ANKFN1: variants seen among roughly 807,000 people sequenced by gnomAD.
ANKFN1 encodes ankyrin repeat and fibronectin type III domain containing 1.
Under a neutral mutation model 108.7 loss-of-function variants are expected in ANKFN1, and 74 were observed. The observed-to-expected ratio is 0.68, with a 90% CI of 0.56 to 0.83. ANKFN1 has a LOEUF of 0.83. Among genes scored for constraint, ANKFN1 ranks in the 40% least tolerant of loss-of-function variants. The pLI is 0.00. For missense variants in ANKFN1, 1,505 were observed against 1,382.3 expected (o/e 1.09, Z -1.41); for synonymous variants, 547 against 516.2 (o/e 1.06, Z -0.81).
intron 1 of ANKFN1, among the ~76,000 whole-genome samples, chr17:56,205,006 G>A (rs1914409707): frequency 6.6e-6 from 1 of 152,190 alleles, no homozygotes; most frequent in Non-Finnish European, 1.5e-5. Context: ...AACCCGGGAG[G>A]CGGAGCTAGC....
chr17:56,470,869 C>A (rs549631782), intron 15 of ANKFN1, among the ~76,000 whole-genome samples: 2 of 152,288 alleles, frequency 1.3e-5, no homozygotes, highest in South Asian at 4.2e-4. Flanking sequence ...GGACAAGAGT[C>A]CCTATGAGCA....
At chr17:56,064,688 C>T (rs1312553910) in intron 4 of ANKFN1, among the ~76,000 whole-genome samples, 1 of 152,252 alleles carries the variant, frequency 6.6e-6, no homozygotes, top group East Asian at 1.9e-4. Flanking sequence ...GTACTGGCTG[C>T]TGCCTCTCCC....
intron 14 of ANKFN1, among the ~76,000 whole-genome samples, chr17:56,465,321 G>A (rs1352718481): frequency 1.3e-5 from 2 of 152,158 alleles, no homozygotes; most frequent in African/African-American, 2.4e-5. Flanking sequence ...TTTGTCCTAT[G>A]TCTGGTCTTT....
intron 4 of ANKFN1, among the ~76,000 whole-genome samples, chr17:56,049,525 A>T (rs59161001): frequency 1.3e-5 from 2 of 150,990 alleles, no homozygotes; most frequent in African/African-American, 4.9e-5. Context: ...ATATCTCCCA[A>T]TGCTATCCCT....
intron 3 of ANKFN1, among the ~76,000 whole-genome samples, chr17:56,249,730 G>T (rs998059899): frequency 5.9e-5 from 9 of 152,172 alleles, no homozygotes; most frequent in Non-Finnish European, 1.2e-4. Flanking sequence ...GAGGGCCCTG[G>T]TAAACAAAAG....
intron 1 of ANKFN1, among the ~76,000 whole-genome samples, chr17:56,211,595 T>A (rs369617136): frequency 1.6e-4 from 25 of 152,338 alleles, no homozygotes; most frequent in African/African-American, 5.5e-4. Context: ...GCAGGCTTTT[T>A]TTGGTTCCAT....
intron 4 of ANKFN1, among the ~76,000 whole-genome samples, chr17:56,074,959 G>A (rs1905164478): frequency 6.6e-6 from 1 of 152,172 alleles, no homozygotes; most frequent in Admixed American, 6.5e-5. Flanking sequence ...GTGCAAATCA[G>A]GTTCACAACA....
At position 56,372,627 on chromosome 17, in the gene ANKFN1, C is replaced by T. The variant is rs975240159; in HGVS notation, c.602-19C>T. On this transcript the variant is annotated intron_variant, in intron 6 of 20. Transcript: ENST00000682825. Reference sequence around the variant, plus strand: ...TTCCCCAGAAAGAAAGAGAAGTAATCCCATTTCTTTCCCTTTAGTTGTCAG... The same window carrying T: ...TTCCCCAGAAAGAAAGAGAAGTAATTCCATTTCTTTCCCTTTAGTTGTCAG... 14 of 1,598,230 alleles carry T rather than the reference C, an allele frequency of 8.8e-6. No individual in the cohort carries two copies. The highest frequency in any genetic ancestry group is 7.7e-6 in the Non-Finnish European group (9 of 1,170,312).
intron 1 of ANKFN1, among the ~76,000 whole-genome samples, chr17:56,159,817 A>G (rs1192174633): frequency 1.3e-5 from 2 of 152,128 alleles, no homozygotes; most frequent in African/African-American, 4.8e-5. Flanking sequence ...GAAATGGGGC[A>G]CTGTCAGCTT....
intron 1 of ANKFN1, among the ~76,000 whole-genome samples, chr17:56,193,549 T>A (rs1172593019): frequency 4.0e-5 from 6 of 148,274 alleles, no homozygotes; most frequent in Non-Finnish European, 8.9e-5. Flanking sequence ...GCTAGTATAA[T>A]GTAAAAGTGC....
At chr17:56,097,768 C>T (rs2050839516) in intron 4 of ANKFN1, among the ~76,000 whole-genome samples, 2 of 152,214 alleles carry the variant, frequency 1.3e-5, no homozygotes, top group South Asian at 4.1e-4. Flanking sequence ...TTTCTTGCCC[C>T]TCCTTTATCA....
intron 5 of ANKFN1, among the ~76,000 whole-genome samples, chr17:56,352,117 GGGCCTAAGCATCAGA>G (rs1481382790): frequency 7.9e-5 from 12 of 152,148 alleles, no homozygotes; most frequent in African/African-American, 2.9e-4. Context: ...GGTTAAATCG[GGGCCTAAGCATCAGA>G]GGCTCTTCAG....
intron 3 of ANKFN1, chr17:56,254,297 A>G (rs1038586546): frequency 6.6e-6 from 1 of 152,216 alleles, no homozygotes; most frequent in African/African-American, 2.4e-5. Flanking sequence ...TACCAATTTT[A>G]AAGTTATAAC....
At chr17:56,291,068 A>G (rs545108815) in intron 3 of ANKFN1, among the ~76,000 whole-genome samples, 37 of 152,314 alleles carry the variant, frequency 2.4e-4, no homozygotes, top group Non-Finnish European at 2.9e-4. Flanking sequence ...TCTAGTTTGA[A>G]AAGAAGAGTC....
At chr17:56,175,182 T>A (rs1479419156) in intron 1 of ANKFN1, among the ~76,000 whole-genome samples, 1 of 152,210 alleles carries the variant, frequency 6.6e-6, no homozygotes, top group African/African-American at 2.4e-5. Context: ...AAGTGCTCTA[T>A]TGATTGAGGA....
In ANKFN1 at chr17:56,493,729, C is replaced by T. The variant is rs111996604; in HGVS notation, c.2427+1376C>T. ...ACTCTTCCCATATAATTGGTACAGC[C>T]ATACTGGTTGTTTATTATAAGCATT... On this transcript the variant is annotated intron_variant, in intron 19 of 20. Coordinates refer to ENST00000682825, the MANE Select transcript of ANKFN1 (RefSeq NM_001370326.1). 4.7e-3 allele frequency among the ~76,000 whole-genome samples: 712 copies of T among 152,212 alleles called. 2 individuals are homozygous for T. The highest frequency in any genetic ancestry group is 6.9e-3 in the Non-Finnish European group (468 of 67,998).
At chr17:56,118,031 A>G (rs1393958029) in intron 4 of ANKFN1, among the ~76,000 whole-genome samples, 1 of 152,166 alleles carries the variant, frequency 6.6e-6, no homozygotes, top group African/African-American at 2.4e-5. Flanking sequence ...TGATGTTTTC[A>G]GGGTTCATTT....
At chr17:56,217,047 A>G (rs1378924240) in intron 2 of ANKFN1, among the ~76,000 whole-genome samples, 1 of 152,220 alleles carries the variant, frequency 6.6e-6, no homozygotes, top group Non-Finnish European at 1.5e-5. Context: ...ATCCTGGGAG[A>G]TAACATTCTC....
intron 3 of ANKFN1, among the ~76,000 whole-genome samples, chr17:56,287,887 G>T (rs2044258683): frequency 6.6e-6 from 1 of 152,126 alleles, no homozygotes; most frequent in South Asian, 2.1e-4. Context: ...TGTGGGGATG[G>T]GTGCTACATA....
Sources: gnomAD v4.1 joint callset for allele counts (sites outside exome capture counted in the v4.1 genomes callset) on GRCh38, gnomAD v4.1.1 for gene constraint, MANE v1.5 for transcripts, NCBI Gene and HGNC (gene_info 2026-07-23, HGNC 2026-07-21) for gene names.